Variants in RNGTT observed in about 807,000 individuals in gnomAD.
RNGTT encodes the protein RNA guanylyltransferase and 5'-phosphatase.
A neutral mutation model predicts 79.3 loss-of-function variants in RNGTT; 33 were observed. That is an observed-to-expected ratio of 0.42 (90% confidence interval 0.32 to 0.56). The LOEUF is 0.56. RNGTT is among the 20% of genes least tolerant of loss of function. The probability of loss-of-function intolerance (pLI) is 0.17; values close to 1 mark genes in which losing one functional copy is unlikely to be tolerated. For missense variants in RNGTT, 497 were observed against 739.1 expected (o/e 0.67, Z 3.80); for synonymous variants, 222 against 235.9 (o/e 0.94, Z 0.54).
At chr6:88,682,338 A>T (rs761052778) in intron 13 of RNGTT, among the ~76,000 whole-genome samples, 5 of 152,224 alleles carry the variant, frequency 3.3e-5, no homozygotes, top group Non-Finnish European at 7.3e-5. Flanking sequence ...CACCTTGAAT[A>T]CTGACTTACA....
At chr6:88,777,107 C>T (rs983293847) in intron 12 of RNGTT, among the ~76,000 whole-genome samples, 1 of 152,118 alleles carries the variant, frequency 6.6e-6, no homozygotes, top group Admixed American at 6.5e-5. Flanking sequence ...AAAAGATTAT[C>T]TTCTCCCCAT....
At chr6:88,930,261 T>C (rs912821392) in intron 2 of RNGTT, among the ~76,000 whole-genome samples, 4 of 143,534 alleles carry the variant, frequency 2.8e-5, no homozygotes, top group Non-Finnish European at 5.9e-5. Flanking sequence ...TATATGTCCC[T>C]TTCTTTGTTA....
intron 13 of RNGTT, among the ~76,000 whole-genome samples, chr6:88,768,660 C>T (rs532844353): frequency 1.3e-5 from 2 of 152,154 alleles, no homozygotes; most frequent in African/African-American, 4.8e-5. Flanking sequence ...GCTTTAATCT[C>T]TTTGCTAGTA....
intron 12 of RNGTT, among the ~76,000 whole-genome samples, chr6:88,791,214 A>T (rs1177796379): frequency 6.7e-6 from 1 of 149,172 alleles, no homozygotes; most frequent in Non-Finnish European, 1.5e-5. Flanking sequence ...CCACGATCAC[A>T]GTTCATTACA....
intron 14 of RNGTT, among the ~76,000 whole-genome samples, chr6:88,617,651 T>A (rs1263797939): frequency 6.6e-6 from 1 of 152,320 alleles, no homozygotes; most frequent in African/African-American, 2.4e-5. Flanking sequence ...TTCTCAAGAT[T>A]GTTTTGGCCT....
At chr6:88,706,816 G>C (rs1257578126) in intron 13 of RNGTT, among the ~76,000 whole-genome samples, 2 of 151,934 alleles carry the variant, frequency 1.3e-5, no homozygotes, top group Admixed American at 6.6e-5. Context: ...ACTCATAAAT[G>C]GTTTTAGATA....
At chr6:88,959,200 A>G (rs1355974990) in intron 1 of RNGTT, among the ~76,000 whole-genome samples, 1 of 147,960 alleles carries the variant, frequency 6.8e-6, no homozygotes, top group Non-Finnish European at 1.5e-5. Flanking sequence ...GACTTTGGGT[A>G]CTCAGGGGGA....
chr6:88,954,119 G>C (rs965150293), intron 1 of RNGTT, among the ~76,000 whole-genome samples: 3 of 152,106 alleles, frequency 2.0e-5, no homozygotes, highest in African/African-American at 7.2e-5. Flanking sequence ...GAATAGAACA[G>C]TACCTTATCT....
At chr6:88,707,072 TTAGA>T (rs1349868597) in intron 13 of RNGTT, among the ~76,000 whole-genome samples, 1 of 152,172 alleles carries the variant, frequency 6.6e-6, no homozygotes, top group Non-Finnish European at 1.5e-5. Flanking sequence ...GGCAAATGTT[TTAGA>T]TAGTAGGCAA....
In RNGTT at chr6:88,651,537, T is replaced by C. The variant is rs139023944; in HGVS notation, c.1506+26816A>G. On this transcript the variant is annotated intron_variant, in intron 14 of 15. Coordinates refer to ENST00000369485, the MANE Select transcript of RNGTT (RefSeq NM_003800.5). ...TAAAAGTTAAAAACATAATTATTCA[T>C]GTTTTTGGCTTTAAACAAATAAATT... 4.5e-3 allele frequency among the ~76,000 whole-genome samples: 691 copies of C among 152,242 alleles called. 9 individuals are homozygous for C. The highest frequency in any genetic ancestry group is 0.025 in the East Asian group (131 of 5,186).
At chr6:88,728,793 G>C (rs1245637487) in intron 13 of RNGTT, among the ~76,000 whole-genome samples, 2 of 152,106 alleles carry the variant, frequency 1.3e-5, no homozygotes, top group Non-Finnish European at 2.9e-5. Flanking sequence ...CTCCTCCTCT[G>C]TCTAACAACA....
At chr6:88,665,636 G>GT (rs1249869489) in intron 14 of RNGTT, among the ~76,000 whole-genome samples, 2 of 152,220 alleles carry the variant, frequency 1.3e-5, no homozygotes, top group Non-Finnish European at 2.9e-5. Context: ...GCCAGAAACT[G>GT]TTTGCCTTTC....
intron 5 of RNGTT, among the ~76,000 whole-genome samples, chr6:88,905,319 G>T (rs1258218253): frequency 2.0e-5 from 3 of 152,156 alleles, no homozygotes; most frequent in South Asian, 2.1e-4. Context: ...TGATTTTACA[G>T]GAACTTTCAA....
intron 14 of RNGTT, among the ~76,000 whole-genome samples, chr6:88,655,094 T>A (rs535383033): frequency 4.5e-4 from 68 of 152,308 alleles, no homozygotes; most frequent in African/African-American, 1.5e-3. Flanking sequence ...AGTATTGATC[T>A]AATAAGCCAG....
intron 2 of RNGTT, among the ~76,000 whole-genome samples, chr6:88,932,907 T>C (rs1233872068): frequency 6.6e-6 from 1 of 152,196 alleles, no homozygotes; most frequent in African/African-American, 2.4e-5. Flanking sequence ...TATACTCTAA[T>C]ATAAAAAAGA....
chr6:88,888,623 T>G (rs556584458), intron 8 of RNGTT, among the ~76,000 whole-genome samples: 1 of 152,350 alleles, frequency 6.6e-6, no homozygotes, highest in South Asian at 2.1e-4. Context: ...TACATTATTA[T>G]TAATTTTTAA....
chr6:88,801,487 T>C (rs971921989), intron 12 of RNGTT, 77 bp downstream of exon 12: 1 of 1,097,406 alleles, frequency 9.1e-7, no homozygotes, highest in African/African-American at 1.5e-5. Context: ...CATGTGTATG[T>C]GTATGTATAT....
At chr6:88,846,706 G>A (rs1315388710) in intron 10 of RNGTT, among the ~76,000 whole-genome samples, 1 of 151,538 alleles carries the variant, frequency 6.6e-6, no homozygotes, top group Non-Finnish European at 1.5e-5. Flanking sequence ...GTTGCTGTGA[G>A]CTGAGATCAT....
chr6:88,860,207 C>T (rs1049382885), intron 8 of RNGTT, among the ~76,000 whole-genome samples: 1 of 152,132 alleles, frequency 6.6e-6, no homozygotes, highest in Non-Finnish European at 1.5e-5. Context: ...ATTCAATATG[C>T]TATTTACTGG....
Sources: allele counts gnomAD v4.1 joint callset (sites outside exome capture counted in the v4.1 genomes callset), GRCh38; gene constraint gnomAD v4.1.1; transcripts MANE v1.5; gene names NCBI Gene and HGNC (gene_info 2026-07-23, HGNC 2026-07-21).